CCDC88B: variants seen among roughly 807,000 people sequenced by gnomAD.
CCDC88B encodes coiled-coil domain-containing protein 88B.
CCDC88B carries 138 observed loss-of-function variants against 183.7 expected under a neutral mutation model. The ratio of observed to expected loss-of-function variants is 0.75; its 90% CI spans 0.65 to 0.87. The LOEUF is 0.87. CCDC88B is among the 40% of genes least tolerant of loss of function. The pLI is 0.00. For synonymous variants in CCDC88B, 835 were observed against 867.5 expected (o/e 0.96, Z 0.66); for missense variants, 1,822 against 1,965.6 (o/e 0.93, Z 1.38).
Position 64,352,396 on chromosome 11 carries a change from A to AC in CCDC88B, c.3356+12dup, listed in dbSNP as rs770454184. 7.9e-6 allele frequency: 12 copies of AC among 1,521,150 alleles called. No homozygotes were observed. Among genetic ancestry groups the AC allele is most frequent in the Non-Finnish European group, 1.1e-5 (12 of 1,133,444 alleles). The allele number at this position is 1,521,150 out of a possible 1,614,324, so 94.2% of individuals were successfully genotyped here. ...GGGAGCTGCAGGGCCGGTGAGCATC[A>AC]CCAAATGCCCAGCTCCTCCCCTGGC... On this transcript the variant is annotated intron_variant, in intron 19 of 26. Coordinates refer to ENST00000356786, the MANE Select transcript of CCDC88B (RefSeq NM_032251.6).
chr11:64,355,905 GAA>G lies in CCDC88B; in HGVS notation c.4375+280_4375+281del, dbSNP rs1211326450. Reference sequence around the variant, plus strand: ...TTCCAGTAGGCTTACCAGAAAAAGTGAAAAGAGACAGGTACAATGGATTTTAA... The same window carrying G: ...TTCCAGTAGGCTTACCAGAAAAAGTGAAGAGACAGGTACAATGGATTTTAA... On this transcript the variant is annotated intron_variant, in intron 26 of 26. Coordinates refer to ENST00000356786, the MANE Select transcript of CCDC88B (RefSeq NM_032251.6). The G allele has an allele frequency of 1.5e-5, 5 of 338,502 alleles. No individual in the cohort carries two copies. The East Asian group carries it at 1.5e-4, about 10-fold the overall frequency. 21.0% of individuals were successfully genotyped at this position (338,502 alleles called of 1,614,324 possible).
In CCDC88B at chr11:64,340,280, A is replaced by C. The variant is rs1591269869; in HGVS notation, c.14A>C (p.Lys5Thr). The C allele has an allele frequency of 1.6e-6, 2 of 1,266,304 alleles. No individual in the cohort carries two copies. Among genetic ancestry groups the C allele is most frequent in the Admixed American group, 8.0e-5 (2 of 25,132 alleles). The allele number at this position is 1,266,304 out of a possible 1,614,324, so 78.4% of individuals were successfully genotyped here. Reference protein sequence around the residue: MEGGKGPRLRDFLSG... With the variant: MEGGTGPRLRDFLSG... ...CCCGACCCGGGCATGGAGGGGGGCA[A>C]GGGGCCCAGGCTCAGAGACTTCCTG... The change falls in exon 1 of 27, where the codon AAG (lysine) becomes ACG (threonine). Residue 5 changes from lysine to threonine, a missense_variant. Lys to Thr is a moderately conservative substitution (Grantham distance 78). Transcript: ENST00000356786.
At chr11:64,351,376 CG>C (rs1251688142) in intron 17 of CCDC88B, 99 bp from the exon 18 acceptor site, 2 of 1,489,498 alleles carry the variant, frequency 1.3e-6, no homozygotes, top group African/African-American at 2.9e-5. Context: ...ACAGTGGGCC[CG>C]GGGGTGGGGG....
intron 6 of CCDC88B, 28 bp downstream of exon 6, chr11:64,341,532 T>C (rs756583196): frequency 1.6e-5 from 26 of 1,613,082 alleles, no homozygotes; most frequent in Non-Finnish European, 2.2e-5. Context: ...CAGCCCAGAC[T>C]GGTATGGCAC....
Position 64,353,383 on chromosome 11 carries a change from G to A in CCDC88B, c.3720G>A (p.Glu1240=), listed in dbSNP as rs772062518. 11 of 1,613,630 alleles carry A rather than the reference G, an allele frequency of 6.8e-6. No individual in the cohort carries two copies. The Middle Eastern group carries it at 1.0e-3, about 147-fold the overall frequency. ...CACAGCTGCGAAGTGCCCAGGAAGA[G>A]GAGAACCGGCAGCTGCTGGCTGAAG... ...LLTQLRSAQE[E]ENRQLLAEVQ... Residue 1240 remains glutamate (E), a synonymous_variant, in exon 22 of 27, where the codon GAG becomes GAA. Coordinates refer to ENST00000356786, the MANE Select transcript of CCDC88B (RefSeq NM_032251.6).
Position 64,345,115 on chromosome 11 carries a change from G to A in CCDC88B, c.2574G>A (p.Glu858=), listed in dbSNP as rs202030797. 1.4e-5 allele frequency: 21 copies of A among 1,550,846 alleles called. No individual in the cohort carries two copies. In the East Asian group the frequency reaches 4.2e-4, roughly 31 times the overall value. ...AGAGCGAGGGCCGCCAGCACTTGGA[G>A]GAGGCTGAGAGGGAGCGCCGGGAGA... ...VLESEGRQHL[E]EAERERREKE... is the part of the protein sequence containing the mutation. Residue 858 remains glutamate, a synonymous_variant, in exon 14 of 27, where the codon GAG becomes GAA. Transcript: ENST00000356786.
At position 64,343,332 on chromosome 11, in the gene CCDC88B, T is replaced by G. The variant is rs1591279481; in HGVS notation, c.1209+7T>G. The G allele has an allele frequency of 6.5e-7, 1 of 1,549,854 alleles. No homozygotes were observed. The highest frequency in any genetic ancestry group is 1.2e-5 in the South Asian group (1 of 83,992). On this transcript the variant is annotated splice_region_variant and intron_variant, in intron 11 of 26. Coordinates refer to ENST00000356786, the MANE Select transcript of CCDC88B (RefSeq NM_032251.6). The stretch of plus-strand genomic sequence containing the variant: ...GCTGGGCGAGGCCCATGCGGTAAGG[T>G]AGCCAGAGTGATCCCACTTGGGTTG...
At chr11:64,356,917 A>T in intron 26 of CCDC88B, 122 bp from the exon 27 acceptor site, 1 of 903,990 alleles carries the variant, frequency 1.1e-6, no homozygotes, top group Non-Finnish European at 1.7e-6. Flanking sequence ...GGCGTGGTGC[A>T]GCTGGAAGCG....
Position 64,353,173 on chromosome 11 carries a change from GCCAGCAGCTGCGCGAGTCCAA to G in CCDC88B, c.3631_3651del (p.Arg1211_Leu1217del). 6.3e-7 allele frequency: 1 copy of G among 1,582,784 alleles called. No homozygotes were observed. Among genetic ancestry groups the G allele is most frequent in the Non-Finnish European group, 8.6e-7 (1 of 1,165,516 alleles). ...GAGCGGGCACAGCTGGAGATGCAGA[GCCAGCAGCTGCGCGAGTCCAA>G]CCAGCAGCTGGACCTGAGCGCCTGC... On this transcript the variant is annotated inframe_deletion, in exon 21 of 27. Coordinates refer to ENST00000356786, the MANE Select transcript of CCDC88B (RefSeq NM_032251.6).
At position 64,344,366 on chromosome 11, in the gene CCDC88B, G is replaced by A; in HGVS notation, c.1825G>A (p.Gly609Ser). The A allele has an allele frequency of 6.3e-7, 1 of 1,587,842 alleles. No individual in the cohort carries two copies. The highest frequency in any genetic ancestry group is 8.6e-7 in the Non-Finnish European group (1 of 1,168,576). Residue 609 changes from glycine (G) to serine (S), a missense_variant, in exon 14 of 27, where the codon GGT becomes AGT. Physicochemically the swap from Gly to Ser is moderately conservative, Grantham distance 56. Transcript: ENST00000356786. This position sits in a 1 kb window ranked among gnomAD's most constrained non-coding sequence, Gnocchi z 4.5. The part of the protein sequence containing the change: ...QSPASVAPPQ[G>S]PGTKIQAPQL... ...CCCTGCCTCTGTGGCCCCACCTCAGGGTCCAGGGACCAAAATTCAGGCCCC... is the reference window on the plus strand; with the variant it reads ...CCCTGCCTCTGTGGCCCCACCTCAGAGTCCAGGGACCAAAATTCAGGCCCC...
intron 22 of CCDC88B, 32 bp downstream of exon 22, chr11:64,353,528 CTG>C (rs2036426447): frequency 6.2e-7 from 1 of 1,603,828 alleles, no homozygotes; most frequent in African/African-American, 1.3e-5. Context: ...GGGGTGGGGC[CTG>C]CATCCCCTTT....
At position 64,343,874 on chromosome 11, in the gene CCDC88B, G is replaced by A. The variant is rs1336646523; in HGVS notation, c.1415G>A (p.Arg472Gln). 51 of 1,605,226 alleles carry A rather than the reference G, an allele frequency of 3.2e-5. No homozygotes were observed. The highest frequency in any genetic ancestry group is 4.0e-5 in the Non-Finnish European group (47 of 1,176,334). Reference protein sequence around the residue: ...RTLERENRELRGLLQVLQGQP... With the variant: ...RTLERENRELQGLLQVLQGQP... ...CTTGAGAGGGAGAACCGGGAGCTTC[G>A]GGGGCTGCTTCAGGTGCTTCAGGGG... Residue 472 changes from arginine (R) to glutamine (Q), a missense_variant, in exon 13 of 27, where the codon CGG becomes CAG. Coordinates refer to ENST00000356786, the MANE Select transcript of CCDC88B (RefSeq NM_032251.6).
rs2036523098 is a variant in CCDC88B, at chr11:64,355,555, C to T, written c.4307-5C>T. The T allele has an allele frequency of 5.0e-6, 8 of 1,613,050 alleles. No individual in the cohort carries two copies. The highest frequency in any genetic ancestry group is 6.8e-6 in the Non-Finnish European group (8 of 1,179,744). On this transcript the variant is annotated splice_polypyrimidine_tract_variant and splice_region_variant and intron_variant, in intron 25 of 26. Transcript: ENST00000356786. ...TGGGCCCAGTGGTTGCCTTGTGCCTCCCAGGACCTGGTGTGGGATGGGAGA... is the reference window on the plus strand; with the variant it reads ...TGGGCCCAGTGGTTGCCTTGTGCCTTCCAGGACCTGGTGTGGGATGGGAGA...
In CCDC88B at chr11:64,353,347, C is replaced by T; in HGVS notation, c.3688-4C>T. On this transcript the variant is annotated splice_polypyrimidine_tract_variant and splice_region_variant and intron_variant, in intron 21 of 26. Transcript: ENST00000356786. The stretch of plus-strand genomic sequence containing the variant: ...CCCTCCGAGCCATGGTGCCCCCCTG[C>T]CAGCTATTGACACAGCTGCGAAGTG... 2 of 1,612,882 alleles carry T rather than the reference C, an allele frequency of 1.2e-6. No individual in the cohort carries two copies. Among genetic ancestry groups the T allele is most frequent in the Non-Finnish European group, 1.7e-6 (2 of 1,179,566 alleles).
In CCDC88B at chr11:64,343,989, G is replaced by A. The variant is rs750043496; in HGVS notation, c.1456-8G>A. ...CTGGGCCTGACTGTCCCTCTCGTATGCCCTCAGCACCCCCTGCTGGAGGCA... is the reference window on the plus strand; with the variant it reads ...CTGGGCCTGACTGTCCCTCTCGTATACCCTCAGCACCCCCTGCTGGAGGCA... On this transcript the variant is annotated splice_polypyrimidine_tract_variant and splice_region_variant and intron_variant, in intron 13 of 26. Coordinates refer to ENST00000356786, the MANE Select transcript of CCDC88B (RefSeq NM_032251.6). 2.9e-5 allele frequency: 45 copies of A among 1,556,120 alleles called. No homozygotes were observed. Among genetic ancestry groups the A allele is most frequent in the Non-Finnish European group, 3.7e-5 (43 of 1,148,674 alleles).
intron 7 of CCDC88B, 115 bp downstream of exon 7, chr11:64,341,857 G>A: frequency 1.3e-6 from 1 of 752,572 alleles, no homozygotes; most frequent in Admixed American, 3.4e-5. Flanking sequence ...GTGGTCTGAG[G>A]TCTTGGGCCA....
At chr11:64,347,210 C>T (rs939624444) in intron 14 of CCDC88B, among the ~76,000 whole-genome samples, 2 of 152,204 alleles carry the variant, frequency 1.3e-5, no homozygotes, top group Non-Finnish European at 2.9e-5. Flanking sequence ...AGTGTTTGGG[C>T]GTGGCTTCAG....
chr11:64,343,991 C>T lies in CCDC88B; in HGVS notation c.1456-6C>T. ...GGGCCTGACTGTCCCTCTCGTATGC[C>T]CTCAGCACCCCCTGCTGGAGGCACC... On this transcript the variant is annotated splice_polypyrimidine_tract_variant and splice_region_variant and intron_variant, in intron 13 of 26. Coordinates refer to ENST00000356786, the MANE Select transcript of CCDC88B (RefSeq NM_032251.6). 1 of 1,554,562 alleles carries T rather than the reference C, an allele frequency of 6.4e-7. No individual in the cohort carries two copies. Among genetic ancestry groups the T allele is most frequent in the Non-Finnish European group, 8.7e-7 (1 of 1,148,348 alleles).
Position 64,345,138 on chromosome 11 carries a change from A to C in CCDC88B, c.2597A>C (p.Glu866Ala). ...HLEEAERERREKEALQAELEK... is the reference protein window; with the variant it reads ...HLEEAERERRAKEALQAELEK... ...GAGGAGGCTGAGAGGGAGCGCCGGG[A>C]GAAGGAGGCCCTCCAGGCGGTAGGT... The change falls in exon 14 of 27, where the codon GAG (glutamate) becomes GCG (alanine). Residue 866 changes from glutamate to alanine, a missense_variant. Physicochemically the swap from Glu to Ala is moderately radical, Grantham distance 107 (BLOSUM62 -1). Transcript: ENST00000356786. 1 of 1,545,008 alleles carries C rather than the reference A, an allele frequency of 6.5e-7. No homozygotes were observed. The highest frequency in any genetic ancestry group is 8.7e-7 in the Non-Finnish European group (1 of 1,150,656).
Sources: gnomAD v4.1 joint callset for allele counts (sites outside exome capture counted in the v4.1 genomes callset) on GRCh38, gnomAD v4.1.1 for gene constraint, Gnocchi (gnomAD v3.1) non-coding constraint, MANE v1.5 for transcripts, NCBI Gene and HGNC (gene_info 2026-07-23, HGNC 2026-07-21) for gene names.